Variants in TCEA1 observed in about 807,000 individuals in gnomAD.
The protein encoded by TCEA1 is transcription elongation factor A protein 1.
TCEA1 carries 21 observed loss-of-function variants against 43.8 expected under a neutral mutation model. That is an observed-to-expected ratio of 0.48 (90% CI 0.34 to 0.69). TCEA1 has a LOEUF of 0.69. Among genes scored for constraint, TCEA1 ranks in the 30% least tolerant of loss-of-function variants. The pLI is 0.01. For missense variants in TCEA1, 250 were observed against 365.1 expected (o/e 0.68, Z 2.57); for synonymous variants, 104 against 117.5 (o/e 0.88, Z 0.75).
At chr8:53,981,866 C>A (rs975081342) in intron 7 of TCEA1, among the ~76,000 whole-genome samples, 3 of 151,864 alleles carry the variant, frequency 2.0e-5, no homozygotes, top group Non-Finnish European at 4.4e-5. Flanking sequence ...GATCCTCCCA[C>A]CTCAGCCTCC....
intron 3 of TCEA1, among the ~76,000 whole-genome samples, chr8:53,997,110 G>A (rs899500509): frequency 1.8e-4 from 28 of 151,830 alleles, no homozygotes; most frequent in African/African-American, 4.6e-4. Context: ...GGGTTTCACC[G>A]TGTTAGCCAG....
chr8:54,011,171 T>C (rs1007634381), intron 1 of TCEA1, among the ~76,000 whole-genome samples: 8 of 152,236 alleles, frequency 5.3e-5, no homozygotes, highest in African/African-American at 1.9e-4. Context: ...CCACGTCACC[T>C]TTTACATATG....
At chr8:53,992,796 G>A (rs558313649) in intron 4 of TCEA1, among the ~76,000 whole-genome samples, 121 of 152,192 alleles carry the variant, frequency 8.0e-4, no homozygotes, top group Non-Finnish European at 1.6e-3. Flanking sequence ...ACAGAAGAAC[G>A]ATTTGTATTT....
chr8:54,019,296 G>T (rs533045833), intron 1 of TCEA1, among the ~76,000 whole-genome samples: 3 of 151,998 alleles, frequency 2.0e-5, no homozygotes, highest in African/African-American at 7.3e-5. Context: ...CAGGCTGGGC[G>T]CAGTGGCTCA....
chr8:53,982,544 G>A (rs2129301803), intron 7 of TCEA1, among the ~76,000 whole-genome samples: 1 of 147,666 alleles, frequency 6.8e-6, no homozygotes, highest in South Asian at 2.1e-4. Flanking sequence ...GGAGGCAGAG[G>A]TTGCAGTGAG....
At chr8:54,018,396 T>C (rs1804908349) in intron 1 of TCEA1, among the ~76,000 whole-genome samples, 1 of 152,198 alleles carries the variant, frequency 6.6e-6, no homozygotes, top group Non-Finnish European at 1.5e-5. Flanking sequence ...CCTCAGATTG[T>C]TTTTTAGGCC....
chr8:54,015,667 A>C (rs912893383), intron 1 of TCEA1, among the ~76,000 whole-genome samples: 3 of 152,194 alleles, frequency 2.0e-5, no homozygotes, highest in African/African-American at 7.2e-5. Flanking sequence ...CAAAGGCCAC[A>C]ACCAAGAGCA....
intron 8 of TCEA1, chr8:53,972,739 A>C: frequency 1.4e-6 from 1 of 697,908 alleles, no homozygotes; most frequent in South Asian, 1.4e-5. Flanking sequence ...AGAGGTTATC[A>C]ACTCAAATGA....
intron 1 of TCEA1, among the ~76,000 whole-genome samples, chr8:54,021,339 A>G (rs904904762): frequency 6.6e-5 from 10 of 152,226 alleles, no homozygotes; most frequent in African/African-American, 2.4e-4. Flanking sequence ...AATAACAAAA[A>G]AAATGCCACC....
intron 1 of TCEA1, among the ~76,000 whole-genome samples, chr8:54,019,464 G>A (rs1804952774): frequency 6.6e-6 from 1 of 151,808 alleles, no homozygotes; most frequent in African/African-American, 2.4e-5. Flanking sequence ...CAGCTTCTAG[G>A]GAGGCTGAGG....
Position 54,007,396 on chromosome 8 carries a change from G to A in TCEA1, c.126+3034C>T, listed in dbSNP as rs752343141. On this transcript the variant is annotated intron_variant, in intron 2 of 9. Coordinates refer to ENST00000521604, the MANE Select transcript of TCEA1 (RefSeq NM_006756.4). The stretch of plus-strand genomic sequence containing the variant: ...GAGTCTTGCTATGTTGCCCAGGCTG[G>A]TCTTGAACTGCTGGGCTCAAGCAAT... Among the ~76,000 whole-genome samples, 122 of 151,990 alleles carry A rather than the reference G, an allele frequency of 8.0e-4. 2 individuals are homozygous for A. The highest frequency in any genetic ancestry group is 2.1e-4 in the Non-Finnish European group (14 of 68,000).
intron 5 of TCEA1, among the ~76,000 whole-genome samples, chr8:53,987,567 G>A (rs186657644): frequency 7.9e-4 from 121 of 152,236 alleles, no homozygotes; most frequent in Admixed American, 4.5e-3. Context: ...TGCAGAATGA[G>A]AGAAAAGAAA....
At chr8:54,002,894 T>C (rs1375663363) in intron 2 of TCEA1, 3 of 456,138 alleles carry the variant, frequency 6.6e-6, no homozygotes, top group African/African-American at 6.0e-5. Context: ...GACATTACCT[T>C]GGAAAGGTGG....
At chr8:53,990,242 A>G (rs1310213158) in intron 4 of TCEA1, among the ~76,000 whole-genome samples, 2 of 150,366 alleles carry the variant, frequency 1.3e-5, no homozygotes, top group South Asian at 2.1e-4. Context: ...TTTTTTTGGT[A>G]GAGAAAGGGT....
chr8:54,002,259 CG>C (rs1804294155), intron 2 of TCEA1, among the ~76,000 whole-genome samples: 1 of 151,442 alleles, frequency 6.6e-6, no homozygotes, highest in South Asian at 2.1e-4. Context: ...ATCACGAGGT[CG>C]GGAGATTAAG....
At chr8:53,979,796 G>C (rs1286474764) in intron 7 of TCEA1, among the ~76,000 whole-genome samples, 1 of 152,174 alleles carries the variant, frequency 6.6e-6, no homozygotes, top group Non-Finnish European at 1.5e-5. Flanking sequence ...TGTAGAACCT[G>C]AGATTGGTTT....
chr8:54,000,003 T>C lies in TCEA1; in HGVS notation c.174A>G (p.Thr58=). The C allele has an allele frequency of 3.1e-6, 5 of 1,604,096 alleles. No homozygotes were observed. Among genetic ancestry groups the C allele is most frequent in the Non-Finnish European group, 3.4e-6 (4 of 1,174,844 alleles). ...TTGCCAAAGATGTAACTTCCTCATC[T>C]GTACTCTGCTTGCGAATAGCATTAA... ...MSVNAIRKQS[T]DEEVTSLAKS... is the part of the protein sequence containing the mutation. Residue 58 remains threonine (T), a synonymous_variant, in exon 3 of 10, where the codon ACA becomes ACG. Transcript: ENST00000521604.
chr8:54,013,924 C>A (rs995526019), intron 1 of TCEA1, among the ~76,000 whole-genome samples: 2 of 152,066 alleles, frequency 1.3e-5, no homozygotes, highest in Admixed American at 1.3e-4. Context: ...AAGAAACTTG[C>A]ACAAGGTTCT....
At chr8:54,002,300 T>C (rs1333850851) in intron 2 of TCEA1, among the ~76,000 whole-genome samples, 1 of 148,566 alleles carries the variant, frequency 6.7e-6, no homozygotes, top group Non-Finnish European at 1.5e-5. Context: ...TGAAACCCCA[T>C]CTTTAAAAAG....
Sources: gnomAD v4.1 joint callset for allele counts (sites outside exome capture counted in the v4.1 genomes callset) on GRCh38, gnomAD v4.1.1 for gene constraint, MANE v1.5 for transcripts, NCBI Gene and HGNC (gene_info 2026-07-23, HGNC 2026-07-21) for gene names.